The following GARNL3 variants were observed in gnomAD, a reference collection of about 807,000 sequenced individuals.
GARNL3 encodes GTPase activating Rap/RanGAP domain like 3, also known as GTPase-activating Rap/Ran-GAP domain-like protein 3.
In GARNL3, 63 loss-of-function variants were observed where a neutral mutation model predicts 125.0. That is an observed-to-expected ratio of 0.50 (90% CI 0.41 to 0.62). GARNL3 has a LOEUF of 0.62. GARNL3 is among the 20% of genes least tolerant of loss of function. The probability of loss-of-function intolerance (pLI) is 0.00; values close to 1 mark genes in which losing one functional copy is unlikely to be tolerated. For synonymous variants in GARNL3, 439 were observed against 457.5 expected (o/e 0.96, Z 0.52); for missense variants, 994 against 1,244.0 (o/e 0.80, Z 3.02).
In GARNL3 at chr9:127,367,725, A is replaced by C. The variant is rs558066417; in HGVS notation, c.2161+2359A>C. On this transcript the variant is annotated intron_variant, in intron 22 of 27. Coordinates refer to ENST00000373387, the MANE Select transcript of GARNL3 (RefSeq NM_032293.5). The stretch of plus-strand genomic sequence containing the variant: ...GGGCAAACTCTTGTGTTTGCTGATG[A>C]TGCTTTAAAGATAATCATGCCAGGA... Among the ~76,000 whole-genome samples the C allele has an allele frequency of 1.9e-3, 290 of 152,308 alleles. 1 individual carries two copies. The highest frequency in any genetic ancestry group is 3.0e-3 in the Non-Finnish European group (204 of 68,032).
chr9:127,256,226 G>A (rs566523750), intron 2 of GARNL3, among the ~76,000 whole-genome samples: 1 of 152,198 alleles, frequency 6.6e-6, no homozygotes, highest in Non-Finnish European at 1.5e-5. Context: ...AGCCAAGGTT[G>A]CTGTCACTGA....
intron 2 of GARNL3, among the ~76,000 whole-genome samples, chr9:127,245,794 C>A (rs1320899768): frequency 6.6e-6 from 1 of 152,186 alleles, no homozygotes; most frequent in African/African-American, 2.4e-5. Context: ...GGTAAGGGTG[C>A]GGAGGCCCAG....
At chr9:127,389,557 T>A (rs1194043583) in intron 26 of GARNL3, among the ~76,000 whole-genome samples, 1 of 152,102 alleles carries the variant, frequency 6.6e-6, no homozygotes, top group Non-Finnish European at 1.5e-5. Context: ...CCTTATTACT[T>A]CTCCCAGCCC....
In GARNL3 at chr9:127,344,517, T is replaced by C. The variant is rs965288212; in HGVS notation, c.1356+178T>C. On this transcript the variant is annotated intron_variant, in intron 15 of 27. Transcript: ENST00000373387. ...TGAGAACCGAGTAGGTGCAGTTCTC[T>C]GCAGGCATCACTGAGAGAGCAACAC... The C allele has an allele frequency of 3.7e-5, 22 of 601,032 alleles. No individual in the cohort carries two copies. The African/African-American group carries it at 4.1e-4, about 11-fold the overall frequency. The allele number at this position is 601,032 out of a possible 1,614,324, so 37.2% of individuals were successfully genotyped here.
intron 2 of GARNL3, among the ~76,000 whole-genome samples, chr9:127,298,776 C>T (rs2064687383): frequency 2.0e-5 from 3 of 152,106 alleles, no homozygotes. Context: ...AAAAGTCCTA[C>T]CGACAGTATG....
chr9:127,336,821 T>C (rs927123330), intron 11 of GARNL3, among the ~76,000 whole-genome samples: 1 of 152,252 alleles, frequency 6.6e-6, no homozygotes, highest in African/African-American at 2.4e-5. Flanking sequence ...GAGCTTGACC[T>C]GCCCAGCAGA....
intron 4 of GARNL3, among the ~76,000 whole-genome samples, chr9:127,314,993 T>C (rs1220846500): frequency 1.3e-5 from 2 of 152,172 alleles, no homozygotes; most frequent in Non-Finnish European, 2.9e-5. Flanking sequence ...GGGTTACTCA[T>C]ACCTGGTATT....
chr9:127,229,549 G>C (rs147686163), intron 1 of GARNL3, among the ~76,000 whole-genome samples: 18 of 152,286 alleles, frequency 1.2e-4, no homozygotes, highest in African/African-American at 4.3e-4. Context: ...AGGCTGGAGT[G>C]CAGTGGCATA....
intron 22 of GARNL3, among the ~76,000 whole-genome samples, chr9:127,373,230 G>C (rs1223444308): frequency 6.6e-6 from 1 of 152,194 alleles, no homozygotes; most frequent in Non-Finnish European, 1.5e-5. Context: ...GACCTTCCTA[G>C]AGAACTGAAA....
At position 127,385,198 on chromosome 9, in the gene GARNL3, T is replaced by G. The variant is rs1278983576; in HGVS notation, c.2388+53T>G. The G allele has an allele frequency of 1.7e-6, 2 of 1,167,310 alleles. No individual in the cohort carries two copies. The highest frequency in any genetic ancestry group is 1.5e-5 in the African/African-American group (1 of 65,296). The allele number at this position is 1,167,310 out of a possible 1,614,324, so 72.3% of individuals were successfully genotyped here. A position where few individuals can be genotyped will look rare whatever the true frequency, so the allele number is the denominator to read the frequency against. Reference sequence around the variant, plus strand: ...AGTGGTTTGGGGGACCCCGGCACTGTGGGATTTCAGGTGAGCACAGAAGCC... The same window carrying G: ...AGTGGTTTGGGGGACCCCGGCACTGGGGGATTTCAGGTGAGCACAGAAGCC... On this transcript the variant is annotated intron_variant, in intron 24 of 27. Transcript: ENST00000373387. The surrounding 1 kb of genome is among the most constrained non-coding windows in gnomAD (Gnocchi z 4.1).
chr9:127,349,593 TAGTC>T (rs1283053199), intron 17 of GARNL3, among the ~76,000 whole-genome samples: 5 of 152,138 alleles, frequency 3.3e-5, no homozygotes, highest in South Asian at 2.1e-4. Context: ...CCTGGGGAGT[TAGTC>T]AGTTCTCTGT....
chr9:127,325,203 A>T, intron 7 of GARNL3, 108 bp downstream of exon 7: 1 of 1,052,472 alleles, frequency 9.5e-7, no homozygotes, highest in Non-Finnish European at 1.5e-6. Context: ...ATCTCCATGT[A>T]GATTTGCACA....
At chr9:127,225,079 G>A (rs1185245229) in intron 1 of GARNL3, among the ~76,000 whole-genome samples, 1 of 143,138 alleles carries the variant, frequency 7.0e-6, no homozygotes, top group Admixed American at 6.9e-5. Context: ...GCGGGGCTTG[G>A]GCCCAGCGGA....
At chr9:127,363,352 A>T (rs539779297) in intron 21 of GARNL3, 1 of 152,082 alleles carries the variant, frequency 6.6e-6, no homozygotes, top group Admixed American at 6.6e-5. Context: ...TTATGTACTT[A>T]TGTGCTTTTC....
At chr9:127,370,634 A>G (rs1831556171) in intron 22 of GARNL3, among the ~76,000 whole-genome samples, 1 of 152,100 alleles carries the variant, frequency 6.6e-6, no homozygotes, top group African/African-American at 2.4e-5. Context: ...TTCTGTCCCC[A>G]CCTTTCTGAC....
intron 16 of GARNL3, among the ~76,000 whole-genome samples, chr9:127,347,911 C>G (rs1488441330): frequency 6.6e-6 from 1 of 152,026 alleles, no homozygotes; most frequent in Admixed American, 6.5e-5. Flanking sequence ...GCATCCTTTC[C>G]TTTTCTAAGA....
intron 1 of GARNL3, among the ~76,000 whole-genome samples, chr9:127,278,429 A>G (rs913290588): frequency 4.6e-5 from 7 of 152,186 alleles, no homozygotes; most frequent in African/African-American, 1.2e-4. Context: ...CTCCAAAGCA[A>G]CCATAAATAG....
At chr9:127,346,839 C>T (rs751434251) in intron 16 of GARNL3, among the ~76,000 whole-genome samples, 1 of 152,156 alleles carries the variant, frequency 6.6e-6, no homozygotes, top group East Asian at 1.9e-4. Context: ...CAGCACTCAT[C>T]GTTTCATGAG....
In GARNL3 at chr9:127,345,485, C is replaced by T. The variant is rs1353900135; in HGVS notation, c.1431+8C>T. The T allele has an allele frequency of 3.2e-6, 5 of 1,540,332 alleles. No individual in the cohort carries two copies. Among genetic ancestry groups the T allele is most frequent in the African/African-American group, 2.8e-5 (2 of 72,510 alleles). ...GGGATCTGTAAAAAAGAGGTGAGTTCATGATACTTTCAATTTGAACTTTGA... is the reference window on the plus strand; with the variant it reads ...GGGATCTGTAAAAAAGAGGTGAGTTTATGATACTTTCAATTTGAACTTTGA... On this transcript the variant is annotated splice_region_variant and intron_variant, in intron 16 of 27. Transcript: ENST00000373387.
Sources: allele counts gnomAD v4.1 joint callset (sites outside exome capture counted in the v4.1 genomes callset), GRCh38; gene constraint gnomAD v4.1.1; non-coding constraint Gnocchi (gnomAD v3.1); transcripts MANE v1.5; gene names NCBI Gene and HGNC (gene_info 2026-07-23, HGNC 2026-07-21).